Variants in PEX19 observed in about 807,000 individuals in gnomAD.
PEX19 encodes 33 kDa housekeeping protein.
In PEX19, 29 loss-of-function variants were observed where a neutral mutation model predicts 36.3. The observed-to-expected ratio is 0.80, with a 90% CI of 0.60 to 1.09. PEX19 has a LOEUF of 1.09. Ranked by LOEUF, PEX19 falls within the 50% of genes least tolerant of loss-of-function variation. PEX19 has a pLI of 0.00. For missense variants in PEX19, 396 were observed against 368.1 expected, an observed-to-expected ratio of 1.08 and a Z score of -0.62; for synonymous variants, 141 against 135.2, an observed-to-expected ratio of 1.04 and a Z score of -0.30.
At chr1:160,283,153 A>G in intron 2 of PEX19, 44 bp from the exon 3 acceptor site, 1 of 1,604,098 alleles carries the variant, frequency 6.2e-7, no homozygotes, top group Non-Finnish European at 8.5e-7. Flanking sequence ...ACTTAGGACT[A>G]CACTGCACCT....
intron 5 of PEX19, chr1:160,281,411 A>C (rs1281244422): frequency 6.2e-6 from 1 of 160,418 alleles, no homozygotes; most frequent in Non-Finnish European, 1.4e-5. Flanking sequence ...ATCCTCAGTT[A>C]ATTCTTTTTC....
intron 1 of PEX19, among the ~76,000 whole-genome samples, chr1:160,284,665 T>A (rs2101809124): frequency 6.6e-6 from 1 of 152,326 alleles, no homozygotes; most frequent in Non-Finnish European, 1.5e-5. Context: ...GCCACGAGCT[T>A]GCTAGGAGTT....
rs1657593095 is a variant in PEX19, at chr1:160,277,601, G to A, written c.*1950C>T. ...AATCAAAATAAAAATGAGTGCCTTG[G>A]GAACAAAGATAAAGTGGACTAGGGC... On this transcript the variant is annotated 3_prime_UTR_variant, in exon 8 of 8. Coordinates refer to ENST00000368072, the MANE Select transcript of PEX19 (RefSeq NM_002857.4). 1 of 454,052 alleles carries A rather than the reference G, an allele frequency of 2.2e-6. No individual in the cohort carries two copies. Among genetic ancestry groups the A allele is most frequent in the African/African-American group, 2.0e-5 (1 of 50,006 alleles). 28.1% of individuals were successfully genotyped at this position (454,052 alleles called of 1,614,324 possible).
At chr1:160,282,376 G>T in intron 4 of PEX19, 41 bp downstream of exon 4, 1 of 1,501,748 alleles carries the variant, frequency 6.7e-7, no homozygotes, top group Non-Finnish European at 9.3e-7. Flanking sequence ...AGAAATGTCT[G>T]GGAGTGGACC....
Position 160,279,858 on chromosome 1 carries a change from GA to G in PEX19, c.772-14del. 1 of 1,609,606 alleles carries G rather than the reference GA, an allele frequency of 6.2e-7. No homozygotes were observed. The highest frequency in any genetic ancestry group is 8.5e-7 in the Non-Finnish European group (1 of 1,175,864). ...CTAAATCTTGTAGCTAGAAAATAAG[GA>G]AAATGGAACATGAAATAGAGAAAAG... On this transcript the variant is annotated splice_polypyrimidine_tract_variant and intron_variant, in intron 6 of 7. Coordinates refer to ENST00000368072, the MANE Select transcript of PEX19 (RefSeq NM_002857.4).
chr1:160,279,474 T>C lies in PEX19; in HGVS notation c.*77A>G, dbSNP rs1557853083. The C allele has an allele frequency of 8.4e-7, 1 of 1,185,372 alleles. No individual in the cohort carries two copies. The highest frequency in any genetic ancestry group is 1.3e-6 in the Non-Finnish European group (1 of 790,992). 73.4% of individuals were successfully genotyped at this position (1,185,372 alleles called of 1,614,324 possible). ...AGACTTCTCCCGCAGGTGACACTCC[T>C]GCCTCAGGTCCCAATGGTTCTGCTG... On this transcript the variant is annotated 3_prime_UTR_variant, in exon 8 of 8. Coordinates refer to ENST00000368072, the MANE Select transcript of PEX19 (RefSeq NM_002857.4).
Position 160,277,897 on chromosome 1 carries a change from C to T in PEX19, c.*1654G>A, listed in dbSNP as rs1657604608. On this transcript the variant is annotated 3_prime_UTR_variant, in exon 8 of 8. Coordinates refer to ENST00000368072, the MANE Select transcript of PEX19 (RefSeq NM_002857.4). ...ACATTCAGATCTGGGCTCTTCCATGCTCTGGTAAGGTATAGGAGTTGGAAT... is the reference window on the plus strand; with the variant it reads ...ACATTCAGATCTGGGCTCTTCCATGTTCTGGTAAGGTATAGGAGTTGGAAT... 1.5e-6 allele frequency: 1 copy of T among 674,242 alleles called. No homozygotes were observed. The allele number at this position is 674,242 out of a possible 1,614,324, so 41.8% of individuals were successfully genotyped here.
At chr1:160,283,479 A>G (rs1483415308) in intron 2 of PEX19, 51 bp downstream of exon 2, 1 of 1,350,486 alleles carries the variant, frequency 7.4e-7, no homozygotes, top group Non-Finnish European at 1.1e-6. Flanking sequence ...ACCTCTGCTC[A>G]GGGCTGCATG....
Position 160,279,013 on chromosome 1 carries a change from C to G in PEX19, c.*538G>C, listed in dbSNP as rs1259982591. The G allele has an allele frequency of 2.2e-6, 1 of 454,214 alleles. No individual in the cohort carries two copies. The highest frequency in any genetic ancestry group is 1.6e-5 in the South Asian group (1 of 64,476). 28.1% of individuals were successfully genotyped at this position (454,214 alleles called of 1,614,324 possible). A position where few individuals can be genotyped will look rare whatever the true frequency, so the allele number is the denominator to read the frequency against. On this transcript the variant is annotated 3_prime_UTR_variant, in exon 8 of 8. Coordinates refer to ENST00000368072, the MANE Select transcript of PEX19 (RefSeq NM_002857.4). ...GTGATTAGATGCAAAAGCCCTTTCC[C>G]TTTAGAGAATTCAGAATGGTCTGTC...
rs1490783896 is a variant in PEX19 at position 160,278,921 on chromosome 1, G to A, written c.*630C>T. 6.6e-6 allele frequency: 3 copies of A among 453,964 alleles called. No individual in the cohort carries two copies. Among genetic ancestry groups the A allele is most frequent in the South Asian group, 4.7e-5 (3 of 64,472 alleles). The allele number at this position is 453,964 out of a possible 1,614,324, so 28.1% of individuals were successfully genotyped here. On this transcript the variant is annotated 3_prime_UTR_variant, in exon 8 of 8. Coordinates refer to ENST00000368072, the MANE Select transcript of PEX19 (RefSeq NM_002857.4). ...GGTAACCATTTGAGTTCTCAGCCTG[G>A]AACAGGGAGGTGAGGGCTCAGCACC... is the stretch of plus-strand genomic sequence containing the variant.
chr1:160,276,823 G>C lies in PEX19; in HGVS notation c.*2728C>G, dbSNP rs1426752955. On this transcript the variant is annotated 3_prime_UTR_variant, in exon 8 of 8. Transcript: ENST00000368072. ...AGGAAAATGTCCCAATTATCAAAAA[G>C]TCTGTATTAATTCAATTCTTAATTC... 4.0e-5 allele frequency: 15 copies of C among 378,602 alleles called. No individual in the cohort carries two copies. Among genetic ancestry groups the C allele is most frequent in the Non-Finnish European group, 7.7e-5 (15 of 194,536 alleles). The allele number at this position is 378,602 out of a possible 1,614,324, so 23.5% of individuals were successfully genotyped here. A position where few individuals can be genotyped will look rare whatever the true frequency, so the allele number is the denominator to read the frequency against.
In PEX19 at chr1:160,279,794, T is replaced by C. The variant is rs776784191; in HGVS notation, c.816+7A>G. ...AATTAAAATCTGGAAAAATAAGACA[T>C]ACTCACCATCTCTCCAGCCAGCTCT... On this transcript the variant is annotated splice_region_variant and intron_variant, in intron 7 of 7. Coordinates refer to ENST00000368072, the MANE Select transcript of PEX19 (RefSeq NM_002857.4). 4 of 1,611,408 alleles carry C rather than the reference T, an allele frequency of 2.5e-6. No individual in the cohort carries two copies. Among genetic ancestry groups the C allele is most frequent in the Non-Finnish European group, 3.4e-6 (4 of 1,177,666 alleles).
Position 160,282,019 on chromosome 1 carries a change from A to T in PEX19, c.594+20T>A. On this transcript the variant is annotated intron_variant, in intron 5 of 7. Coordinates refer to ENST00000368072, the MANE Select transcript of PEX19 (RefSeq NM_002857.4). The stretch of plus-strand genomic sequence containing the variant: ...GTGATGGAAAATGAAGAGAAAAAGC[A>T]GAAATGGAAGTTCACAAACCTTTTC... 1 of 1,609,988 alleles carries T rather than the reference A, an allele frequency of 6.2e-7. No individual in the cohort carries two copies.
At chr1:160,284,000 G>C in intron 1 of PEX19, 1 of 448,778 alleles carries the variant, frequency 2.2e-6, no homozygotes, top group Non-Finnish European at 4.6e-6. Flanking sequence ...CAGTAGTAGA[G>C]AACACAGATG....
chr1:160,282,588 T>C (rs1657818941), intron 3 of PEX19, 86 bp from the exon 4 acceptor site: 1 of 974,500 alleles, frequency 1.0e-6, no homozygotes, highest in African/African-American at 1.6e-5. Context: ...ATATGAAGCA[T>C]TTACTAGTGA....
chr1:160,277,604 A>G lies in PEX19; in HGVS notation c.*1947T>C, dbSNP rs1399386303. ...CAAAATAAAAATGAGTGCCTTGGGA[A>G]CAAAGATAAAGTGGACTAGGGCATC... is the stretch of plus-strand genomic sequence containing the variant. On this transcript the variant is annotated 3_prime_UTR_variant, in exon 8 of 8. Transcript: ENST00000368072. 2.2e-6 allele frequency: 1 copy of G among 454,234 alleles called. No individual in the cohort carries two copies. Among genetic ancestry groups the G allele is most frequent in the Admixed American group, 2.3e-5 (1 of 42,586 alleles). The allele number at this position is 454,234 out of a possible 1,614,324, so 28.1% of individuals were successfully genotyped here. A position where few individuals can be genotyped will look rare whatever the true frequency, so the allele number is the denominator to read the frequency against.
rs2101799984 is a variant in PEX19 at position 160,280,147 on chromosome 1, A to C, written c.694T>G (p.Phe232Val). Residue 232 changes from phenylalanine to valine, a missense_variant, in exon 6 of 8, where the codon TTT becomes GTT. By Grantham distance (50) the Phe-to-Val change is conservative. Coordinates refer to ENST00000368072, the MANE Select transcript of PEX19 (RefSeq NM_002857.4). Reference protein sequence around the residue: ...HSVMCKICEQFEAETPTDSET... With the variant: ...HSVMCKICEQVEAETPTDSET... ...CTGTCTGTGGGGGTCTCTGCCTCAA[A>C]CTGCTCACATATTTTGCACATGACG... 6.2e-7 allele frequency: 1 copy of C among 1,613,944 alleles called. No individual in the cohort carries two copies. Among genetic ancestry groups the C allele is most frequent in the Non-Finnish European group, 8.5e-7 (1 of 1,179,858 alleles).
chr1:160,277,853 G>A lies in PEX19; in HGVS notation c.*1698C>T, dbSNP rs571489363. 50 of 619,276 alleles carry A rather than the reference G, an allele frequency of 8.1e-5. No homozygotes were observed. The African/African-American group carries it at 8.9e-4, about 11-fold the overall frequency. 38.4% of individuals were successfully genotyped at this position (619,276 alleles called of 1,614,324 possible). A position where few individuals can be genotyped will look rare whatever the true frequency, so the allele number is the denominator to read the frequency against. Reference sequence around the variant, plus strand: ...GTATACCTGTATTTTTTCCATCTCTGGCAGAACAGAGACGTTTTACATTCA... The same window carrying A: ...GTATACCTGTATTTTTTCCATCTCTAGCAGAACAGAGACGTTTTACATTCA... On this transcript the variant is annotated 3_prime_UTR_variant, in exon 8 of 8. Coordinates refer to ENST00000368072, the MANE Select transcript of PEX19 (RefSeq NM_002857.4).
chr1:160,284,600 G>A (rs907604583), intron 1 of PEX19, among the ~76,000 whole-genome samples: 1 of 152,208 alleles, frequency 6.6e-6, no homozygotes, highest in South Asian at 2.1e-4. Context: ...AAAGGACTAG[G>A]AGGAGAAAAG....
Sources: gnomAD v4.1 joint callset for allele counts (sites outside exome capture counted in the v4.1 genomes callset) on GRCh38, gnomAD v4.1.1 for gene constraint, MANE v1.5 for transcripts, NCBI Gene and HGNC (gene_info 2026-07-23, HGNC 2026-07-21) for gene names.